The following CWF19L2 variants were observed in gnomAD, a reference collection of about 807,000 sequenced individuals.
The protein encoded by CWF19L2 is CWF19-like protein 2.
Under a neutral mutation model 111.7 loss-of-function variants are expected in CWF19L2, and 98 were observed. The ratio of observed to expected loss-of-function variants is 0.88; its 90% CI spans 0.75 to 1.04. CWF19L2 has a LOEUF of 1.04. CWF19L2 is among the 50% of genes least tolerant of loss of function. CWF19L2 has a pLI of 0.00. For missense variants in CWF19L2, 1,101 were observed against 1,051.4 expected, an observed-to-expected ratio of 1.05 and a Z score of -0.65; for synonymous variants, 351 against 342.9, an observed-to-expected ratio of 1.02 and a Z score of -0.26.
At chr11:107,402,721 C>T (rs980835913) in intron 10 of CWF19L2, among the ~76,000 whole-genome samples, 29 of 151,564 alleles carry the variant, frequency 1.9e-4, no homozygotes, top group African/African-American at 7.0e-4. Flanking sequence ...CCAGCAATCC[C>T]ACTACTGGGT....
chr11:107,358,218 T>C (rs781234645), intron 12 of CWF19L2, among the ~76,000 whole-genome samples: 22 of 151,966 alleles, frequency 1.4e-4, no homozygotes, highest in Non-Finnish European at 2.6e-4. Context: ...GATTAATTAA[T>C]AAAATATTAA....
chr11:107,373,983 C>A lies in CWF19L2; in HGVS notation c.1872+16091G>T, dbSNP rs1444610158. Among the ~76,000 whole-genome samples, 9 of 136,474 alleles carry A rather than the reference C, an allele frequency of 6.6e-5. 4 individuals carry two copies. Among genetic ancestry groups the A allele is most frequent in the Non-Finnish European group, 9.4e-5 (6 of 64,070 alleles). The allele number at this position is 136,474 out of a possible 152,430, so 89.5% of individuals were successfully genotyped here. A position where few individuals can be genotyped will look rare whatever the true frequency, so the allele number is the denominator to read the frequency against. On this transcript the variant is annotated intron_variant, in intron 12 of 17. Coordinates refer to ENST00000282251, the MANE Select transcript of CWF19L2 (RefSeq NM_152434.3). ...AACTACGTGAAGAATGCAGAAGCCT[C>A]AGGAGCTGATGCGATCAACTGGAAG...
At position 107,411,886 on chromosome 11, in the gene CWF19L2, C is replaced by T. The variant is rs138418202; in HGVS notation, c.1617+4323G>A. Among the ~76,000 whole-genome samples the T allele has an allele frequency of 7.2e-4, 109 of 152,154 alleles. No individual in the cohort carries two copies. The Middle Eastern group carries it at 0.01, about 14-fold the overall frequency. ...TTAAAGAGAGGGACAAAGGCAGAGACGGATTGTCAAAAGATCAAAATGGCA... is the reference window on the plus strand; with the variant it reads ...TTAAAGAGAGGGACAAAGGCAGAGATGGATTGTCAAAAGATCAAAATGGCA... On this transcript the variant is annotated intron_variant, in intron 10 of 17. Transcript: ENST00000282251.
At chr11:107,374,150 T>C (rs1439306344) in intron 12 of CWF19L2, among the ~76,000 whole-genome samples, 3 of 134,568 alleles carry the variant, frequency 2.2e-5, no homozygotes, top group African/African-American at 6.1e-5. Flanking sequence ...CGGATTGGTG[T>C]ACCTGAAAGT....
chr11:107,434,706 T>C (rs1861516575), intron 6 of CWF19L2, among the ~76,000 whole-genome samples: 3 of 148,310 alleles, frequency 2.0e-5, no homozygotes, highest in South Asian at 2.1e-4. Flanking sequence ...ACTACAACTA[T>C]ATACAACAAT....
chr11:107,441,396 A>G, intron 5 of CWF19L2, 107 bp downstream of exon 5: 1 of 953,056 alleles, frequency 1.0e-6, no homozygotes, highest in Non-Finnish European at 1.4e-6. Flanking sequence ...ATTAAATACT[A>G]TAAAAAATAA....
At chr11:107,333,557 T>C (rs913536912) in intron 16 of CWF19L2, among the ~76,000 whole-genome samples, 12 of 152,184 alleles carry the variant, frequency 7.9e-5, no homozygotes, top group African/African-American at 2.9e-4. Flanking sequence ...ATTAAATGCC[T>C]TTTTCTATAG....
chr11:107,390,573 T>C (rs988400916), intron 11 of CWF19L2, among the ~76,000 whole-genome samples: 7 of 152,200 alleles, frequency 4.6e-5, no homozygotes, highest in African/African-American at 1.7e-4. Context: ...CATCCAGAAA[T>C]GGAGTAAGTA....
chr11:107,410,353 A>G (rs1861139641), intron 10 of CWF19L2, among the ~76,000 whole-genome samples: 1 of 152,186 alleles, frequency 6.6e-6, no homozygotes, highest in African/African-American at 2.4e-5. Flanking sequence ...GTTGCAGTAG[A>G]GAATTCTTTC....
At chr11:107,378,790 AT>A (rs1388454733) in intron 12 of CWF19L2, among the ~76,000 whole-genome samples, 1 of 151,892 alleles carries the variant, frequency 6.6e-6, no homozygotes, top group African/African-American at 2.4e-5. Flanking sequence ...ATAAATAAAA[AT>A]AAAATAAAGT....
At chr11:107,337,903 A>C (rs1296159861) in intron 14 of CWF19L2, among the ~76,000 whole-genome samples, 1 of 151,486 alleles carries the variant, frequency 6.6e-6, no homozygotes, top group African/African-American at 2.4e-5. Flanking sequence ...AATAATACAG[A>C]GAGATCCCAT....
chr11:107,362,289 C>A (rs1388708380), intron 12 of CWF19L2, among the ~76,000 whole-genome samples: 2 of 152,012 alleles, frequency 1.3e-5, no homozygotes, highest in Non-Finnish European at 2.9e-5. Context: ...GTAAACAAAG[C>A]AGCCAGGAAG....
rs1024559804 is a variant in CWF19L2 at position 107,441,641 on chromosome 11, T to A, written c.451-19A>T. ...CATCCCTCTGTTAAAAAAAAAGACA[T>A]AAAATCAACAGTCATCCACTCATCA... On this transcript the variant is annotated intron_variant, in intron 4 of 17. Coordinates refer to ENST00000282251, the MANE Select transcript of CWF19L2 (RefSeq NM_152434.3). 1 of 1,508,308 alleles carries A rather than the reference T, an allele frequency of 6.6e-7. No individual in the cohort carries two copies. Among genetic ancestry groups the A allele is most frequent in the Non-Finnish European group, 8.8e-7 (1 of 1,133,168 alleles). 93.4% of individuals were successfully genotyped at this position (1,508,308 alleles called of 1,614,324 possible). A position where few individuals can be genotyped will look rare whatever the true frequency, so the allele number is the denominator to read the frequency against.
chr11:107,371,957 T>C (rs1321710776), intron 12 of CWF19L2, among the ~76,000 whole-genome samples: 2 of 137,556 alleles, frequency 1.5e-5, no homozygotes, highest in Non-Finnish European at 3.1e-5. Context: ...AATATTATTG[T>C]TGCAAAATCA....
At chr11:107,398,604 C>T (rs1033106179) in intron 10 of CWF19L2, among the ~76,000 whole-genome samples, 2 of 152,186 alleles carry the variant, frequency 1.3e-5, no homozygotes, top group African/African-American at 4.8e-5. Flanking sequence ...GCCCGGAAAA[C>T]ATATTTGGTG....
In CWF19L2 at chr11:107,353,548, A is replaced by G. The variant is rs1260572013; in HGVS notation, c.2061T>C (p.His687=). Residue 687 remains histidine, a synonymous_variant, in exon 13 of 18, where the codon CAT becomes CAC. Coordinates refer to ENST00000282251, the MANE Select transcript of CWF19L2 (RefSeq NM_152434.3). The part of the protein sequence containing the change: ...YCFDSSQFPK[H]LIVAIGVKVY... ...CCTTAACACCTATTGCAACAATAAGATGCTTGGGAAATTGAGAGCTGTCAA... is the reference window on the plus strand; with the variant it reads ...CCTTAACACCTATTGCAACAATAAGGTGCTTGGGAAATTGAGAGCTGTCAA... 2.5e-6 allele frequency: 4 copies of G among 1,613,562 alleles called. No individual in the cohort carries two copies. The highest frequency in any genetic ancestry group is 1.7e-5 in the Admixed American group (1 of 59,992).
intron 16 of CWF19L2, 32 bp from the exon 17 acceptor site, chr11:107,330,051 C>T: frequency 7.4e-7 from 1 of 1,358,274 alleles, no homozygotes; most frequent in Non-Finnish European, 1.0e-6. Flanking sequence ...AAATGGAATA[C>T]AGTATGAAAC....
rs752208729 is a variant in CWF19L2 at position 107,439,081 on chromosome 11, T to C, written c.664+9A>G. 2 of 1,022,726 alleles carry C rather than the reference T, an allele frequency of 2.0e-6. No individual in the cohort carries two copies. Among genetic ancestry groups the C allele is most frequent in the Non-Finnish European group, 2.9e-6 (2 of 684,798 alleles). The allele number at this position is 1,022,726 out of a possible 1,614,324, so 63.4% of individuals were successfully genotyped here. A position where few individuals can be genotyped will look rare whatever the true frequency, so the allele number is the denominator to read the frequency against. On this transcript the variant is annotated intron_variant, in intron 6 of 17. Transcript: ENST00000282251. ...ACCCTGTGTGTCTATAATCAAAATG[T>C]AGAAATACCTTTAGTAATCGATGAC...
chr11:107,333,829 G>A (rs1268638845), intron 16 of CWF19L2, among the ~76,000 whole-genome samples: 3 of 152,136 alleles, frequency 2.0e-5, no homozygotes, highest in Admixed American at 6.6e-5. Flanking sequence ...AAGAAATGGG[G>A]GAGAAGTATT....
Sources: gnomAD v4.1 joint callset for allele counts (sites outside exome capture counted in the v4.1 genomes callset) on GRCh38, gnomAD v4.1.1 for gene constraint, MANE v1.5 for transcripts, NCBI Gene and HGNC (gene_info 2026-07-23, HGNC 2026-07-21) for gene names.